Variants in SDK1 observed in about 807,000 individuals in gnomAD.
The protein encoded by SDK1 is protein sidekick-1.
Under a neutral mutation model 245.5 loss-of-function variants are expected in SDK1, and 157 were observed. The ratio of observed to expected loss-of-function variants is 0.64; its 90% CI spans 0.56 to 0.73. SDK1 has a LOEUF of 0.73. Ranked by LOEUF, SDK1 falls within the 30% of genes least tolerant of loss-of-function variation. The pLI is 0.00. For missense variants in SDK1, 3,583 were observed against 3,002.3 expected, an observed-to-expected ratio of 1.19 and a Z score of -4.52; for synonymous variants, 1,647 against 1,278.5, an observed-to-expected ratio of 1.29 and a Z score of -6.15.
intron 1 of SDK1, among the ~76,000 whole-genome samples, chr7:3,439,255 T>C (rs1780123905): frequency 6.6e-6 from 1 of 152,144 alleles, no homozygotes; most frequent in Non-Finnish European, 1.5e-5. Flanking sequence ...AAATAAACTC[T>C]TTTATTTCCC....
At chr7:3,491,123 C>T (rs1179312677) in intron 1 of SDK1, among the ~76,000 whole-genome samples, 3 of 152,138 alleles carry the variant, frequency 2.0e-5, no homozygotes, top group Non-Finnish European at 4.4e-5. Flanking sequence ...CACTGAACTG[C>T]CCAGTAGAAG....
intron 32 of SDK1, among the ~76,000 whole-genome samples, chr7:4,173,425 C>G (rs1781977800): frequency 6.6e-6 from 1 of 152,210 alleles, no homozygotes; most frequent in Admixed American, 6.5e-5. Context: ...TGCGCTGGGT[C>G]TCGAGTGGTG....
At position 3,504,265 on chromosome 7, in the gene SDK1, C is replaced by CGTT. The variant is rs369977701; in HGVS notation, c.299-114789_299-114787dup. Among the ~76,000 whole-genome samples, 468 of 146,614 alleles carry CGTT rather than the reference C, an allele frequency of 3.2e-3. 2 individuals are homozygous for CGTT. The highest frequency in any genetic ancestry group is 5.7e-3 in the African/African-American group (227 of 39,808). The stretch of plus-strand genomic sequence containing the variant: ...CCCAGCTGGATGCTGCTGTTGTTGT[C>CGTT]GTTGTTGTTGTTGTTGTTGTTGTTG... On this transcript the variant is annotated intron_variant, in intron 1 of 44. Transcript: ENST00000404826.
chr7:4,113,163 C>T, intron 23 of SDK1, 126 bp from the exon 24 acceptor site: 3 of 1,012,362 alleles, frequency 3.0e-6, no homozygotes. Context: ...TGAGCAATAG[C>T]CTTTATGATA....
intron 4 of SDK1, chr7:3,643,018 C>G (rs1253294206): frequency 6.6e-6 from 1 of 152,260 alleles, no homozygotes; most frequent in African/African-American, 2.4e-5. Flanking sequence ...GTGAAAGTCA[C>G]TGTGGGAACC....
chr7:3,633,702 A>T (rs1010870617), intron 2 of SDK1, among the ~76,000 whole-genome samples: 1 of 152,220 alleles, frequency 6.6e-6, no homozygotes, highest in Non-Finnish European at 1.5e-5. Context: ...TATTTCAGCC[A>T]AAATTATTTT....
chr7:4,176,216 G>A (rs1173586799), intron 34 of SDK1, among the ~76,000 whole-genome samples: 3 of 150,232 alleles, frequency 2.0e-5, no homozygotes, highest in Non-Finnish European at 2.9e-5. Context: ...AGGCTGGAGT[G>A]CAGTGGCACG....
In SDK1 at chr7:3,301,829, C is replaced by G. The variant is rs542888434; in HGVS notation, c.243C>G (p.Arg81=). 3,752 of 1,115,002 alleles carry G rather than the reference C, an allele frequency of 3.4e-3. 7 individuals carry two copies. The highest frequency in any genetic ancestry group is 3.8e-3 in the Non-Finnish European group (3,520 of 914,444). 69.1% of individuals were successfully genotyped at this position (1,115,002 alleles called of 1,614,324 possible). A position where few individuals can be genotyped will look rare whatever the true frequency, so the allele number is the denominator to read the frequency against. The stretch of plus-strand genomic sequence containing the variant: ...CGGCAAAGTTGGGGCCGGGCCGCCG[C>G]GGCTGGTGGGCGCTGCTGGCGCTGC... ...RRAAKLGPGR[R]GWWALLALQL... Residue 81 remains arginine, a synonymous_variant, in exon 1 of 45, where the codon CGC becomes CGG. Transcript: ENST00000404826.
At chr7:4,163,387 G>C (rs145515984) in intron 32 of SDK1, among the ~76,000 whole-genome samples, 1 of 152,364 alleles carries the variant, frequency 6.6e-6, no homozygotes, top group East Asian at 1.9e-4. Flanking sequence ...CAGTGGTCTA[G>C]ACATGGCCTT....
chr7:4,208,686 C>G (rs536306167), intron 37 of SDK1, among the ~76,000 whole-genome samples: 5 of 152,310 alleles, frequency 3.3e-5, no homozygotes, highest in Non-Finnish European at 7.4e-5. Context: ...GGGTAGGCTC[C>G]TCGGGCAGTA....
Position 3,639,047 on chromosome 7 carries a change from C to T in SDK1, c.502C>T (p.Arg168Cys), listed in dbSNP as rs376569849. 51 of 1,605,026 alleles carry T rather than the reference C, an allele frequency of 3.2e-5. 1 individual carries two copies. The highest frequency in any genetic ancestry group is 1.7e-4 in the South Asian group (15 of 89,960). Residue 168 changes from arginine (R) to cysteine (C), a missense_variant, in exon 3 of 45, where the codon CGC becomes TGC. Physicochemically the swap from Arg to Cys is radical, Grantham distance 180. Coordinates refer to ENST00000404826, the MANE Select transcript of SDK1 (RefSeq NM_152744.4). Reference sequence around the variant, plus strand: ...GCAGAAGCTCGATGCTGGGTTTTACCGCTGCGTGGTGCGAAACAGAATGGG... The same window carrying T: ...GCAGAAGCTCGATGCTGGGTTTTACTGCTGCGTGGTGCGAAACAGAATGGG... The part of the protein sequence containing the change: ...SLQKLDAGFY[R>C]CVVRNRMGAL...
chr7:3,857,249 G>C (rs1362603754), intron 5 of SDK1, among the ~76,000 whole-genome samples: 2 of 152,000 alleles, frequency 1.3e-5, no homozygotes, highest in African/African-American at 4.8e-5. Flanking sequence ...ATTGTACTCA[G>C]GACACAGTCA....
At chr7:4,225,822 G>C (rs1173962333) in intron 40 of SDK1, among the ~76,000 whole-genome samples, 5 of 152,040 alleles carry the variant, frequency 3.3e-5, no homozygotes, top group African/African-American at 4.8e-5. Context: ...TTATCAAGAA[G>C]ACCCCAGCTT....
intron 1 of SDK1, among the ~76,000 whole-genome samples, chr7:3,497,326 A>G (rs748064080): frequency 6.6e-6 from 1 of 152,226 alleles, no homozygotes; most frequent in Non-Finnish European, 1.5e-5. Context: ...ATTTGTGTGT[A>G]TAAATGTAGT....
intron 5 of SDK1, among the ~76,000 whole-genome samples, chr7:3,913,042 T>C (rs916425772): frequency 6.6e-6 from 1 of 152,258 alleles, no homozygotes; most frequent in Non-Finnish European, 1.5e-5. Context: ...AGTGAGAGCT[T>C]GTGATTAAGG....
intron 4 of SDK1, among the ~76,000 whole-genome samples, chr7:3,777,927 A>C (rs1479603670): frequency 2.6e-5 from 4 of 152,206 alleles, no homozygotes; most frequent in Non-Finnish European, 5.9e-5. Flanking sequence ...TAAACAATAA[A>C]AGCCACAGCT....
rs1013060905 is a variant in SDK1 at position 4,266,593 on chromosome 7, T to C, written c.*1209T>C. ...TGTTTCTTTTTTTTATTTAAAATTG[T>C]CATTGTTTGGTTTAAATTTTTCAGC... On this transcript the variant is annotated 3_prime_UTR_variant, in exon 45 of 45. Coordinates refer to ENST00000404826, the MANE Select transcript of SDK1 (RefSeq NM_152744.4). 1.0e-6 allele frequency: 1 copy of C among 985,256 alleles called. No individual in the cohort carries two copies. The highest frequency in any genetic ancestry group is 1.2e-6 in the Non-Finnish European group (1 of 829,796). The allele number at this position is 985,256 out of a possible 1,614,324, so 61.0% of individuals were successfully genotyped here.
intron 1 of SDK1, among the ~76,000 whole-genome samples, chr7:3,497,169 G>C (rs1331764608): frequency 1.3e-5 from 2 of 152,272 alleles, no homozygotes; most frequent in East Asian, 3.9e-4. Flanking sequence ...ACTCTTTTTA[G>C]TTAGAAGAAT....
At chr7:3,861,632 A>T (rs913482790) in intron 5 of SDK1, among the ~76,000 whole-genome samples, 1 of 152,230 alleles carries the variant, frequency 6.6e-6, no homozygotes, top group African/African-American at 2.4e-5. Flanking sequence ...GTGCTCATTC[A>T]AAACCTTATT....
Sources: allele counts gnomAD v4.1 joint callset (sites outside exome capture counted in the v4.1 genomes callset), GRCh38; gene constraint gnomAD v4.1.1; transcripts MANE v1.5; gene names NCBI Gene and HGNC (gene_info 2026-07-23, HGNC 2026-07-21).